RUNDC3B: variants seen among roughly 807,000 people sequenced by gnomAD.
The protein encoded by RUNDC3B is RUN domain containing 3B.
A neutral mutation model predicts 58.4 loss-of-function variants in RUNDC3B; 33 were observed. The observed-to-expected ratio is 0.56, with a 90% CI of 0.43 to 0.75. The LOEUF (loss-of-function observed/expected upper bound fraction) is 0.75. Among genes scored for constraint, RUNDC3B ranks in the 30% least tolerant of loss-of-function variants. The pLI is 0.00. For synonymous variants in RUNDC3B, 193 were observed against 195.2 expected (o/e 0.99, Z 0.10); for missense variants, 501 against 535.7 (o/e 0.94, Z 0.64).
At chr7:87,698,276 A>C (rs1828680632) in intron 2 of RUNDC3B, among the ~76,000 whole-genome samples, 1 of 151,884 alleles carries the variant, frequency 6.6e-6, no homozygotes, top group African/African-American at 2.4e-5. Flanking sequence ...ATTTCTTTGC[A>C]CTTTTAGTAG....
intron 1 of RUNDC3B, among the ~76,000 whole-genome samples, chr7:87,641,456 G>T (rs1822444472): frequency 6.6e-6 from 1 of 152,146 alleles, no homozygotes; most frequent in African/African-American, 2.4e-5. Context: ...CCTACAGTTT[G>T]CTCCTGGCCT....
At chr7:87,709,596 C>T (rs1481964226) in intron 3 of RUNDC3B, 1 of 805,784 alleles carries the variant, frequency 1.2e-6, no homozygotes, top group Non-Finnish European at 1.5e-6. Flanking sequence ...CAGGTTTTAA[C>T]TACTGCCTAT....
intron 4 of RUNDC3B, among the ~76,000 whole-genome samples, chr7:87,720,192 C>A (rs541157168): frequency 6.6e-6 from 1 of 152,158 alleles, no homozygotes; most frequent in South Asian, 2.1e-4. Flanking sequence ...TGACAACTCA[C>A]AAGAATATGT....
chr7:87,669,201 T>G (rs1163453395), intron 2 of RUNDC3B, among the ~76,000 whole-genome samples: 3 of 152,218 alleles, frequency 2.0e-5, no homozygotes, highest in Non-Finnish European at 4.4e-5. Flanking sequence ...TAGGTTTTTT[T>G]GTTGAATTGA....
At chr7:87,763,724 T>C (rs561756721) in intron 6 of RUNDC3B, among the ~76,000 whole-genome samples, 126 of 151,878 alleles carry the variant, frequency 8.3e-4, no homozygotes, top group African/African-American at 3.0e-3. Context: ...GGAACTTTAT[T>C]ATCAGCCATT....
intron 2 of RUNDC3B, among the ~76,000 whole-genome samples, chr7:87,670,040 A>G (rs1825673264): frequency 6.6e-6 from 1 of 152,170 alleles, no homozygotes; most frequent in Non-Finnish European, 1.5e-5. Flanking sequence ...GGAAGTTTTC[A>G]TGGACAATTT....
At chr7:87,755,680 T>G (rs1163779003) in intron 6 of RUNDC3B, among the ~76,000 whole-genome samples, 1 of 152,150 alleles carries the variant, frequency 6.6e-6, no homozygotes, top group Non-Finnish European at 1.5e-5. Context: ...CGCCTTTGCA[T>G]TAAAAACTCT....
At chr7:87,653,466 T>C (rs1823779825) in intron 2 of RUNDC3B, among the ~76,000 whole-genome samples, 1 of 152,114 alleles carries the variant, frequency 6.6e-6, no homozygotes, top group South Asian at 2.1e-4. Flanking sequence ...TTTTCTAGCC[T>C]CTTTCCTGCT....
At chr7:87,689,823 G>A (rs572949139) in intron 2 of RUNDC3B, among the ~76,000 whole-genome samples, 3 of 152,110 alleles carry the variant, frequency 2.0e-5, no homozygotes, top group South Asian at 2.1e-4. Context: ...TTTGCTAGAC[G>A]TCTAATGATA....
chr7:87,781,625 A>G (rs1374053688), intron 8 of RUNDC3B, among the ~76,000 whole-genome samples: 1 of 152,144 alleles, frequency 6.6e-6, no homozygotes, highest in Non-Finnish European at 1.5e-5. Context: ...TGGGTTTGTC[A>G]TAGATGGCTC....
chr7:87,646,943 C>A (rs899869636), intron 1 of RUNDC3B, among the ~76,000 whole-genome samples: 2 of 151,996 alleles, frequency 1.3e-5, no homozygotes, highest in African/African-American at 4.8e-5. Flanking sequence ...ATGTTATTTC[C>A]CGTTATTGCA....
Position 87,741,478 on chromosome 7 carries a change from AT to A in RUNDC3B, c.549-18del. ...AAAATTTTATATATTAATAGGAAAT[AT>A]TTATTTTCTATTGTCTTAGTTTCTG... On this transcript the variant is annotated intron_variant, in intron 5 of 10. Coordinates refer to ENST00000394654, the MANE Select transcript of RUNDC3B (RefSeq NM_001134405.2). The A allele has an allele frequency of 7.6e-7, 1 of 1,317,234 alleles. No individual in the cohort carries two copies. The highest frequency in any genetic ancestry group is 1.0e-6 in the Non-Finnish European group (1 of 957,656). The allele number at this position is 1,317,234 out of a possible 1,614,324, so 81.6% of individuals were successfully genotyped here. A position where few individuals can be genotyped will look rare whatever the true frequency, so the allele number is the denominator to read the frequency against.
chr7:87,680,493 T>C lies in RUNDC3B; in HGVS notation c.239-19928T>C, dbSNP rs1826816094. Among the ~76,000 whole-genome samples, 2 of 150,802 alleles carry C rather than the reference T, an allele frequency of 1.3e-5. 1 individual carries two copies. The highest frequency in any genetic ancestry group is 4.2e-4 in the South Asian group (2 of 4,768). On this transcript the variant is annotated intron_variant, in intron 2 of 10. Transcript: ENST00000394654. Reference sequence around the variant, plus strand: ...GAAATCAGTAACCTAAGCTTTCACCTTAAGAAACTAAAAAAGGGGCCGGGC... The same window carrying C: ...GAAATCAGTAACCTAAGCTTTCACCCTAAGAAACTAAAAAAGGGGCCGGGC...
chr7:87,742,320 C>T (rs1316263807), intron 6 of RUNDC3B, among the ~76,000 whole-genome samples: 2 of 152,088 alleles, frequency 1.3e-5, no homozygotes, highest in Non-Finnish European at 2.9e-5. Flanking sequence ...GAGCAGTGTA[C>T]ACTGCACCAT....
chr7:87,682,509 T>C (rs1268333577), intron 2 of RUNDC3B, among the ~76,000 whole-genome samples: 1 of 152,218 alleles, frequency 6.6e-6, no homozygotes, highest in Non-Finnish European at 1.5e-5. Context: ...GGCTACAGAT[T>C]GGATGTTGTG....
chr7:87,778,606 G>A (rs904452443), intron 8 of RUNDC3B, among the ~76,000 whole-genome samples: 3 of 152,034 alleles, frequency 2.0e-5, no homozygotes, highest in African/African-American at 7.2e-5. Flanking sequence ...ACAAATAGAT[G>A]GTATTTAGAC....
intron 8 of RUNDC3B, among the ~76,000 whole-genome samples, chr7:87,782,962 A>G (rs569920421): frequency 6.6e-6 from 1 of 152,160 alleles, no homozygotes; most frequent in Non-Finnish European, 1.5e-5. Context: ...TATTCTTTAG[A>G]TGTCTATTAG....
At chr7:87,656,910 T>A (rs760819759) in intron 2 of RUNDC3B, among the ~76,000 whole-genome samples, 1 of 152,190 alleles carries the variant, frequency 6.6e-6, no homozygotes, top group Non-Finnish European at 1.5e-5. Flanking sequence ...ATCTACTATA[T>A]GCCTAGCACT....
In RUNDC3B at chr7:87,766,254, T is replaced by G. The variant is rs551995178; in HGVS notation, c.630-4327T>G. ...AATCCAGCTTGTCAGCCTATATCTT[T>G]GTGAGGCCATGTGAGGTTCTGTTCC... On this transcript the variant is annotated intron_variant, in intron 6 of 10. Transcript: ENST00000394654. Among the ~76,000 whole-genome samples, 4 of 152,260 alleles carry G rather than the reference T, an allele frequency of 2.6e-5. No individual in the cohort carries two copies. The South Asian group carries it at 8.3e-4, about 32-fold the overall frequency.
Sources: gnomAD v4.1 joint callset for allele counts (sites outside exome capture counted in the v4.1 genomes callset) on GRCh38, gnomAD v4.1.1 for gene constraint, MANE v1.5 for transcripts, NCBI Gene and HGNC (gene_info 2026-07-23, HGNC 2026-07-21) for gene names.